ARHGEF28: variants seen among roughly 807,000 people sequenced by gnomAD.
ARHGEF28 encodes Rho guanine nucleotide exchange factor 28, also known as 190 kDa guanine nucleotide exchange factor.
ARHGEF28 carries 152 observed loss-of-function variants against 206.6 expected under a neutral mutation model. The ratio of observed to expected loss-of-function variants is 0.74; its 90% confidence interval spans 0.64 to 0.84. ARHGEF28 has a LOEUF of 0.84. ARHGEF28 is among the 40% of genes least tolerant of loss of function. The pLI, the probability that ARHGEF28 is intolerant of heterozygous loss-of-function variation, is 0.00. For missense variants in ARHGEF28, 2,028 were observed against 2,073.2 expected (o/e 0.98, Z 0.42); for synonymous variants, 763 against 776.4 (o/e 0.98, Z 0.29).
chr5:73,928,042 G>A (rs1357492076), intron 35 of ARHGEF28, among the ~76,000 whole-genome samples: 1 of 152,162 alleles, frequency 6.6e-6, no homozygotes, highest in Non-Finnish European at 1.5e-5. Context: ...AAAGTTTTAT[G>A]TTTTCCTGAA....
At chr5:73,801,730 T>TC (rs1437338527) in intron 9 of ARHGEF28, among the ~76,000 whole-genome samples, 2 of 152,088 alleles carry the variant, frequency 1.3e-5, no homozygotes, top group Non-Finnish European at 2.9e-5. Context: ...TTTTCTTTTC[T>TC]CTTTTTTTGG....
Position 73,675,692 on chromosome 5 carries a change from CA to C in ARHGEF28, c.-11-9148del, listed in dbSNP as rs1235457737. 2.9e-5 allele frequency among the ~76,000 whole-genome samples: 4 copies of C among 136,156 alleles called. No individual in the cohort carries two copies. In the Admixed American group the frequency reaches 3.1e-4, roughly 11 times the overall value. 89.3% of individuals were successfully genotyped at this position (136,156 alleles called of 152,430 possible). A position where few individuals can be genotyped will look rare whatever the true frequency, so the allele number is the denominator to read the frequency against. On this transcript the variant is annotated intron_variant, in intron 1 of 35. Coordinates refer to ENST00000513042, the MANE Select transcript of ARHGEF28 (RefSeq NM_001177693.2). ...AGCTTGCAGTGAGCCAAGATCGCACCACTGCACTCCAGCCTGGGTGACAGAG... is the reference window on the plus strand; with the variant it reads ...AGCTTGCAGTGAGCCAAGATCGCACCCTGCACTCCAGCCTGGGTGACAGAG...
chr5:73,855,656 T>C (rs990828281), intron 14 of ARHGEF28, among the ~76,000 whole-genome samples: 1 of 151,426 alleles, frequency 6.6e-6, no homozygotes, highest in Non-Finnish European at 1.5e-5. Flanking sequence ...CACTTGAACC[T>C]GGGAGCCTGA....
At chr5:73,737,047 T>G (rs1259081181) in intron 2 of ARHGEF28, among the ~76,000 whole-genome samples, 1 of 152,150 alleles carries the variant, frequency 6.6e-6, no homozygotes, top group Admixed American at 6.5e-5. Flanking sequence ...AATGGGGATG[T>G]GCCATTAGTA....
chr5:73,633,346 G>A (rs1439924282), intron 1 of ARHGEF28, among the ~76,000 whole-genome samples: 1 of 152,130 alleles, frequency 6.6e-6, no homozygotes, highest in African/African-American at 2.4e-5. Context: ...TTCTAGGGAA[G>A]AAGTGACACC....
At chr5:73,638,731 A>G (rs1225221215) in intron 1 of ARHGEF28, among the ~76,000 whole-genome samples, 1 of 152,210 alleles carries the variant, frequency 6.6e-6, no homozygotes, top group Non-Finnish European at 1.5e-5. Context: ...GTTGAATACC[A>G]CTGAACTTAT....
At chr5:73,743,409 A>G (rs189178629) in intron 2 of ARHGEF28, among the ~76,000 whole-genome samples, 80 of 152,158 alleles carry the variant, frequency 5.3e-4, no homozygotes, top group African/African-American at 1.9e-3. Flanking sequence ...GGTTGTTTTC[A>G]GCCGGACTGT....
intron 35 of ARHGEF28, among the ~76,000 whole-genome samples, chr5:73,932,277 A>G (rs1424873151): frequency 6.6e-6 from 1 of 152,304 alleles, no homozygotes; most frequent in Non-Finnish European, 1.5e-5. Context: ...ATACTTTTTC[A>G]TGGCGTAAAG....
chr5:73,636,247 C>T (rs748258459), intron 1 of ARHGEF28, among the ~76,000 whole-genome samples: 36 of 152,172 alleles, frequency 2.4e-4, no homozygotes, highest in Admixed American at 7.2e-4. Context: ...TTATCTTCTT[C>T]GTATCTACAG....
At chr5:73,885,483 T>C (rs1178421378) in intron 24 of ARHGEF28, among the ~76,000 whole-genome samples, 1 of 147,332 alleles carries the variant, frequency 6.8e-6, no homozygotes, top group Non-Finnish European at 1.5e-5. Flanking sequence ...AATTTTTTTT[T>C]TTTTTTTCTT....
At chr5:73,752,300 T>C (rs979173562) in intron 3 of ARHGEF28, among the ~76,000 whole-genome samples, 10 of 152,034 alleles carry the variant, frequency 6.6e-5, no homozygotes, top group African/African-American at 2.2e-4. Flanking sequence ...AGGAGAAATA[T>C]TGAGAACACC....
intron 7 of ARHGEF28, 163 bp from the exon 8 acceptor site, chr5:73,794,239 A>G (rs1754656728): frequency 7.2e-6 from 4 of 553,556 alleles, no homozygotes; most frequent in Non-Finnish European, 1.3e-5. Flanking sequence ...GGGTTATTAG[A>G]CACTCTGCTC....
chr5:73,651,046 C>T (rs919278383), intron 1 of ARHGEF28, among the ~76,000 whole-genome samples: 1 of 152,162 alleles, frequency 6.6e-6, no homozygotes, highest in Non-Finnish European at 1.5e-5. Context: ...ACAATTAGTT[C>T]TTAGACATTT....
chr5:73,771,407 G>A (rs192058470), intron 4 of ARHGEF28, among the ~76,000 whole-genome samples: 95 of 152,228 alleles, frequency 6.2e-4, no homozygotes, highest in African/African-American at 1.2e-3. Context: ...AATTAGCTGG[G>A]GGTGATGGCG....
intron 2 of ARHGEF28, among the ~76,000 whole-genome samples, chr5:73,691,567 T>G (rs1747833533): frequency 6.6e-6 from 1 of 152,152 alleles, no homozygotes; most frequent in African/African-American, 2.4e-5. Context: ...CAATCTGTGT[T>G]TTAATAAAAC....
At chr5:73,844,514 A>C (rs1488599015) in intron 11 of ARHGEF28, among the ~76,000 whole-genome samples, 1 of 152,144 alleles carries the variant, frequency 6.6e-6, no homozygotes, top group East Asian at 1.9e-4. Context: ...ACCAGGACTC[A>C]TACCATGTAT....
Position 73,846,489 on chromosome 5 carries a change from T to C in ARHGEF28, c.1635+14T>C. 6.2e-7 allele frequency: 1 copy of C among 1,606,872 alleles called. No individual in the cohort carries two copies. Among genetic ancestry groups the C allele is most frequent in the Non-Finnish European group, 8.5e-7 (1 of 1,173,560 alleles). On this transcript the variant is annotated intron_variant, in intron 12 of 35. Transcript: ENST00000513042. ...CTACAGTCGAAGGTATTCTTATTGC[T>C]ATTAATTTGGTATATTGCAAGTGTG...
intron 21 of ARHGEF28, among the ~76,000 whole-genome samples, chr5:73,872,482 A>C (rs1047460963): frequency 6.6e-6 from 1 of 152,002 alleles, no homozygotes; most frequent in Non-Finnish European, 1.5e-5. Context: ...ATTGTGATGC[A>C]TTGTTTTCCT....
intron 13 of ARHGEF28, among the ~76,000 whole-genome samples, chr5:73,851,069 T>A (rs182293649): frequency 6.6e-6 from 1 of 152,216 alleles, no homozygotes; most frequent in African/African-American, 2.4e-5. Context: ...AATAATTTTA[T>A]CTGTGTTTAT....
Sources: allele counts gnomAD v4.1 joint callset (sites outside exome capture counted in the v4.1 genomes callset), GRCh38; gene constraint gnomAD v4.1.1; transcripts MANE v1.5; gene names NCBI Gene and HGNC (gene_info 2026-07-23, HGNC 2026-07-21).